The following DCSTAMP variants were observed in gnomAD, a reference collection of about 807,000 sequenced individuals.
The protein encoded by DCSTAMP is dendritic cell-specific transmembrane protein.
Under a neutral mutation model 33.8 loss-of-function variants are expected in DCSTAMP, and 25 were observed. That is an observed-to-expected ratio of 0.74 (90% confidence interval 0.54 to 1.03). The LOEUF (loss-of-function observed/expected upper bound fraction) is 1.03. Among genes scored for constraint, DCSTAMP ranks in the 50% least tolerant of loss-of-function variants. The pLI is 0.00. For synonymous variants in DCSTAMP, 245 were observed against 216.7 expected (o/e 1.13, Z -1.15); for missense variants, 531 against 556.8 (o/e 0.95, Z 0.47).
At chr8:104,350,936 G>C (rs1483672008) in intron 2 of DCSTAMP, among the ~76,000 whole-genome samples, 2 of 152,160 alleles carry the variant, frequency 1.3e-5, no homozygotes, top group Non-Finnish European at 2.9e-5. Flanking sequence ...AGCCAAGATT[G>C]AGAACCCCTG....
chr8:104,345,110 T>C (rs893190873), intron 1 of DCSTAMP, among the ~76,000 whole-genome samples: 6 of 151,962 alleles, frequency 3.9e-5, no homozygotes, highest in African/African-American at 1.4e-4. Context: ...TCTCTAAGCC[T>C]CCCGTCAGCT....
At chr8:104,349,602 T>C (rs776131552) in intron 2 of DCSTAMP, 21 bp downstream of exon 2, 6 of 1,588,790 alleles carry the variant, frequency 3.8e-6, no homozygotes, top group Non-Finnish European at 5.1e-6. Context: ...CAGGTACTTC[T>C]CATGGTTTAT....
rs143404662 is a variant in DCSTAMP at position 104,348,198 on chromosome 8, C to T, written c.-12-343C>T. Among the ~76,000 whole-genome samples the T allele has an allele frequency of 1.5e-4, 23 of 152,318 alleles. No homozygotes were observed. The East Asian group carries it at 2.1e-3, about 14-fold the overall frequency. Reference sequence around the variant, plus strand: ...TACTCAGTGGTTATTTGTACAGCAGCGATAGCAGGGAAATGCAGCTGGACT... The same window carrying T: ...TACTCAGTGGTTATTTGTACAGCAGTGATAGCAGGGAAATGCAGCTGGACT... On this transcript the variant is annotated intron_variant, in intron 1 of 3. Transcript: ENST00000297581.
intron 1 of DCSTAMP, chr8:104,340,214 G>A (rs745711274): frequency 6.6e-6 from 1 of 152,308 alleles, no homozygotes; most frequent in South Asian, 2.1e-4. Flanking sequence ...ACGCAGCAAT[G>A]GGCTGAATTG....
chr8:104,352,393 A>G (rs1326782623), intron 2 of DCSTAMP, among the ~76,000 whole-genome samples: 1 of 152,194 alleles, frequency 6.6e-6, no homozygotes, highest in Non-Finnish European at 1.5e-5. Context: ...CTGAAAGCCA[A>G]ACAAGAATTT....
rs111828504 is a variant in DCSTAMP at position 104,349,469 on chromosome 8, T to G, written c.917T>G (p.Ile306Ser). Residue 306 changes from isoleucine (I) to serine (S), a missense_variant, in exon 2 of 4, where the codon ATC (isoleucine) becomes AGC (serine). Ile to Ser is a moderately radical substitution (Grantham distance 142). Transcript: ENST00000297581. ...FFLPILIHLC[I>S]WVLFAAVDYL... ...CTCCCCATACTTATCCATCTCTGCA[T>G]CTGGGTGCTGTTTGCAGCTGTAGAT... 3,589 of 1,614,178 alleles carry G rather than the reference T, an allele frequency of 2.2e-3. 66 individuals carry two copies. The African/African-American group carries it at 0.041, about 18-fold the overall frequency.
chr8:104,353,347 C>G lies in DCSTAMP; in HGVS notation c.1030-1530C>G, dbSNP rs141957555. On this transcript the variant is annotated intron_variant, in intron 2 of 3. Transcript: ENST00000297581. Reference sequence around the variant, plus strand: ...ATTTGTCTTCCACATCACCCTCAACCAACCCCACACCAAAGTGTTGACTCA... The same window carrying G: ...ATTTGTCTTCCACATCACCCTCAACGAACCCCACACCAAAGTGTTGACTCA... Among the ~76,000 whole-genome samples, 947 of 152,328 alleles carry G rather than the reference C, an allele frequency of 6.2e-3. 7 individuals are homozygous for G. The highest frequency in any genetic ancestry group is 0.021 in the African/African-American group (891 of 41,570).
rs770861535 is a variant in DCSTAMP, at chr8:104,349,254, T to G, written c.702T>G (p.Phe234Leu). 1 of 1,614,196 alleles carries G rather than the reference T, an allele frequency of 6.2e-7. No individual in the cohort carries two copies. Among genetic ancestry groups the G allele is most frequent in the African/African-American group, 1.3e-5 (1 of 75,038 alleles). Reference sequence around the variant, plus strand: ...GCACTGGCCTCTTCATGAAGCGATTTTTGGGCCCTTGTGGTTGGAAGTATG... The same window carrying G: ...GCACTGGCCTCTTCATGAAGCGATTGTTGGGCCCTTGTGGTTGGAAGTATG... ...LLGTGLFMKR[F>L]LGPCGWKYEN... is the part of the protein sequence containing the mutation. Residue 234 changes from phenylalanine (F) to leucine (L), a missense_variant, in exon 2 of 4, where the codon TTT (phenylalanine) becomes TTG (leucine). Physicochemically the swap from Phe to Leu is conservative, Grantham distance 22. Transcript: ENST00000297581.
chr8:104,346,193 A>G (rs1241252073), intron 1 of DCSTAMP, among the ~76,000 whole-genome samples: 2 of 152,268 alleles, frequency 1.3e-5, no homozygotes, highest in Non-Finnish European at 2.9e-5. Flanking sequence ...ATGCTTTATA[A>G]AAAGTGCTTA....
chr8:104,346,684 T>G (rs1810323472), intron 1 of DCSTAMP, among the ~76,000 whole-genome samples: 1 of 152,256 alleles, frequency 6.6e-6, no homozygotes, highest in African/African-American at 2.4e-5. Flanking sequence ...TCTTTTCTGC[T>G]CTGAGCATTT....
intron 1 of DCSTAMP, among the ~76,000 whole-genome samples, chr8:104,342,529 A>T (rs1238967658): frequency 6.6e-6 from 1 of 152,254 alleles, no homozygotes; most frequent in Admixed American, 6.5e-5. Flanking sequence ...AAATGGGGGC[A>T]TGGGCTCTCC....
intron 2 of DCSTAMP, among the ~76,000 whole-genome samples, chr8:104,349,962 T>C (rs1362820971): frequency 6.6e-6 from 1 of 152,218 alleles, no homozygotes; most frequent in Non-Finnish European, 1.5e-5. Context: ...GGCATCCCTT[T>C]GCCTGTGACC....
In DCSTAMP at chr8:104,344,361, A is replaced by G. The variant is rs1468779439; in HGVS notation, c.-12-4180A>G. ...AAAAGTAATTAAATTTATTAATTAA[A>G]ATTAAGTAAAATTTAAAATTCAATT... On this transcript the variant is annotated intron_variant, in intron 1 of 3. Coordinates refer to ENST00000297581, the MANE Select transcript of DCSTAMP (RefSeq NM_030788.4). Among the ~76,000 whole-genome samples the G allele has an allele frequency of 2.0e-5, 3 of 152,256 alleles. No individual in the cohort carries two copies. The East Asian group carries it at 5.8e-4, about 29-fold the overall frequency.
chr8:104,347,688 G>A (rs919979717), intron 1 of DCSTAMP, among the ~76,000 whole-genome samples: 6 of 152,164 alleles, frequency 3.9e-5, no homozygotes, highest in Non-Finnish European at 8.8e-5. Flanking sequence ...GCAGTTGGAC[G>A]GCTATTGGCT....
chr8:104,349,044 T>C lies in DCSTAMP; in HGVS notation c.492T>C (p.Leu164=). The C allele has an allele frequency of 6.2e-7, 1 of 1,614,222 alleles. No individual in the cohort carries two copies. The highest frequency in any genetic ancestry group is 8.5e-7 in the Non-Finnish European group (1 of 1,180,036). Residue 164 remains leucine, a synonymous_variant, in exon 2 of 4, where the codon CTT becomes CTC. Transcript: ENST00000297581. The part of the protein sequence containing the change: ...LATPLSVFDD[L]VSWNQTLAVS... ...CTCCACTAAGTGTATTTGATGACCT[T>C]GTTTCTTGGAACCAGACCCTGGCAG...
rs1810305598 is a variant in DCSTAMP at position 104,346,008 on chromosome 8, T to C, written c.-12-2533T>C. Among the ~76,000 whole-genome samples, 5 of 152,268 alleles carry C rather than the reference T, an allele frequency of 3.3e-5. No individual in the cohort carries two copies. In the South Asian group the frequency reaches 1.0e-3, roughly 32 times the overall value. ...TGTCACATCACGCAGAGCCATGGAA[T>C]TGGGGCATGGTACAGATGACAGGGC... On this transcript the variant is annotated intron_variant, in intron 1 of 3. Transcript: ENST00000297581.
At position 104,354,938 on chromosome 8, in the gene DCSTAMP, A is replaced by G. The variant is rs372879637; in HGVS notation, c.1091A>G (p.Asn364Ser). ...SSFNISVFEP[N>S]CIPKPKFLLS... is the part of the protein sequence containing the mutation. ...TTTAATATATCTGTGTTTGAACCCA[A>G]CTGTATCCCAAAACCAAAATTCCTT... The change falls in exon 3 of 4, where the codon AAC becomes AGC. Residue 364 changes from asparagine (N) to serine (S), a missense_variant. Coordinates refer to ENST00000297581, the MANE Select transcript of DCSTAMP (RefSeq NM_030788.4). 177 of 1,612,620 alleles carry G rather than the reference A, an allele frequency of 1.1e-4. No individual in the cohort carries two copies. In the South Asian group the frequency reaches 1.7e-3, roughly 16 times the overall value.
At chr8:104,355,864 A>G (rs1188045752) in intron 3 of DCSTAMP, among the ~76,000 whole-genome samples, 1 of 152,222 alleles carries the variant, frequency 6.6e-6, no homozygotes, top group African/African-American at 2.4e-5. Context: ...GGTCAGTTGT[A>G]TGCTACTGGA....
At chr8:104,342,282 G>C (rs1324948428) in intron 1 of DCSTAMP, among the ~76,000 whole-genome samples, 2 of 152,112 alleles carry the variant, frequency 1.3e-5, no homozygotes, top group African/African-American at 2.4e-5. Flanking sequence ...GGAGAGAAGA[G>C]AGCCATGTGA....
Sources: allele counts gnomAD v4.1 joint callset (sites outside exome capture counted in the v4.1 genomes callset), GRCh38; gene constraint gnomAD v4.1.1; transcripts MANE v1.5; gene names NCBI Gene and HGNC (gene_info 2026-07-23, HGNC 2026-07-21).